Variants in SV2B observed in about 807,000 individuals in gnomAD.
SV2B encodes solute carrier family 22 member B2.
A neutral mutation model predicts 73.9 loss-of-function variants in SV2B; 41 were observed. That is an observed-to-expected ratio of 0.56 (90% CI 0.43 to 0.72). The LOEUF (loss-of-function observed/expected upper bound fraction) is 0.72. SV2B is among the 30% of genes least tolerant of loss of function. The probability of loss-of-function intolerance (pLI) is 0.00; values close to 1 mark genes in which losing one functional copy is unlikely to be tolerated. For synonymous variants in SV2B, 314 were observed against 314.2 expected, an observed-to-expected ratio of 1.00 and a Z score of 0.01; for missense variants, 764 against 857.8, an observed-to-expected ratio of 0.89 and a Z score of 1.37.
At chr15:91,117,704 A>C (rs963772285) in intron 1 of SV2B, among the ~76,000 whole-genome samples, 3 of 152,260 alleles carry the variant, frequency 2.0e-5, no homozygotes, top group African/African-American at 7.2e-5. Flanking sequence ...TGGCCAAGGC[A>C]AATGACATGG....
At chr15:91,208,266 G>T (rs779969623) in intron 1 of SV2B, among the ~76,000 whole-genome samples, 1 of 152,094 alleles carries the variant, frequency 6.6e-6, no homozygotes, top group Non-Finnish European at 1.5e-5. Context: ...AAAAACTGGT[G>T]TGTCTATACC....
intron 1 of SV2B, among the ~76,000 whole-genome samples, chr15:91,218,157 C>A (rs2046097605): frequency 6.6e-6 from 1 of 152,114 alleles, no homozygotes; most frequent in African/African-American, 2.4e-5. Flanking sequence ...TCCAAAAAAA[C>A]AGGAGAACTG....
intron 2 of SV2B, among the ~76,000 whole-genome samples, chr15:91,248,238 G>A (rs2078876): frequency 0.27 from 41,602 of 151,868 alleles, 6,094 homozygotes; most frequent in Non-Finnish European, 0.34. Context: ...GGAGGATGGC[G>A]TGAACCCGGG....
intron 6 of SV2B, among the ~76,000 whole-genome samples, chr15:91,266,042 C>G (rs543023126): frequency 6.6e-6 from 1 of 152,338 alleles, no homozygotes; most frequent in Non-Finnish European, 1.5e-5. Flanking sequence ...ACTCGGGAGG[C>G]TGAGGCAGGA....
rs554862296 is a variant in SV2B, at chr15:91,234,388, G to A, written c.451+7674G>A. ...CATGGAGTTGCAATACCTAAATGCA[G>A]TGGGAATAATTGGATCCCAGGGTGC... On this transcript the variant is annotated intron_variant, in intron 2 of 12. Transcript: ENST00000394232. The surrounding 1 kb of genome is among the most constrained non-coding windows in gnomAD (Gnocchi z 5.6). Among the ~76,000 whole-genome samples, 1 of 152,302 alleles carries A rather than the reference G, an allele frequency of 6.6e-6. No individual in the cohort carries two copies. Among genetic ancestry groups the A allele is most frequent in the Admixed American group, 6.5e-5 (1 of 15,294 alleles).
In SV2B at chr15:91,223,820, G is replaced by A. The variant is rs775595730; in HGVS notation, c.-391-2053G>A. On this transcript the variant is annotated intron_variant, in intron 1 of 12. Coordinates refer to ENST00000394232, the MANE Select transcript of SV2B (RefSeq NM_001323032.3). This position sits in a 1 kb window ranked among gnomAD's most constrained non-coding sequence, Gnocchi z 4.6. ...TAGAGTGCGAATCATTTCTTAGTAA[G>A]TATTTCTTGCTGGCTTCTTTGGCAC... 6.6e-6 allele frequency among the ~76,000 whole-genome samples: 1 copy of A among 152,238 alleles called. No homozygotes were observed. Among genetic ancestry groups the A allele is most frequent in the Non-Finnish European group, 1.5e-5 (1 of 68,044 alleles).
At position 91,292,097 on chromosome 15, in the gene SV2B, G is replaced by GA. The variant is rs60989668; in HGVS notation, c.1869-263dup. ...AAAAATGTTTTAAATAGATATCTTT[G>GA]AAAAAAAAACAAAAAAGAAAAACAC... On this transcript the variant is annotated intron_variant, in intron 12 of 12. Coordinates refer to ENST00000394232, the MANE Select transcript of SV2B (RefSeq NM_001323032.3). 9.7e-3 allele frequency among the ~76,000 whole-genome samples: 1,412 copies of GA among 145,958 alleles called. 23 individuals are homozygous for GA. Among genetic ancestry groups the GA allele is most frequent in the African/African-American group, 0.029 (1,199 of 40,684 alleles).
At chr15:91,205,921 A>G (rs965691196) in intron 1 of SV2B, among the ~76,000 whole-genome samples, 1 of 152,224 alleles carries the variant, frequency 6.6e-6, no homozygotes, top group Non-Finnish European at 1.5e-5. Context: ...TAGGTGAGTC[A>G]GTTTCCAGGG....
chr15:91,198,775 T>C (rs1226158474), intron 1 of SV2B, among the ~76,000 whole-genome samples: 1 of 152,114 alleles, frequency 6.6e-6, no homozygotes, highest in Non-Finnish European at 1.5e-5. Flanking sequence ...TAATGATAAT[T>C]GTTAAAGCTA....
At chr15:91,260,136 G>C (rs1378060419) in intron 5 of SV2B, among the ~76,000 whole-genome samples, 184 bp from the exon 6 acceptor site, 1 of 152,158 alleles carries the variant, frequency 6.6e-6, no homozygotes, top group Non-Finnish European at 1.5e-5. Flanking sequence ...AATGGCTGGG[G>C]ATGGAAGCTT....
intron 1 of SV2B, among the ~76,000 whole-genome samples, chr15:91,215,440 G>A (rs540223347): frequency 1.3e-5 from 2 of 152,134 alleles, no homozygotes; most frequent in South Asian, 2.1e-4. Flanking sequence ...GGTGGTTTAA[G>A]GATCACACTA....
At chr15:91,191,063 CT>C (rs59849012) in intron 1 of SV2B, among the ~76,000 whole-genome samples, 1,688 of 64,206 alleles carry the variant, frequency 0.026, 36 homozygotes, top group African/African-American at 0.076. Context: ...TTTGGTGTTT[CT>C]TTTTTTTTTT....
In SV2B at chr15:91,226,694, G is replaced by C; in HGVS notation, c.431G>C (p.Ser144Thr). 6.2e-7 allele frequency: 1 copy of C among 1,606,384 alleles called. No individual in the cohort carries two copies. The highest frequency in any genetic ancestry group is 1.7e-5 in the Admixed American group (1 of 58,382). ...PSAEKDMCLS[S>T]SKKGMLGMIV... Reference sequence around the variant, plus strand: ...GCAGAGAAGGACATGTGTCTGTCCAGTTCCAAAAAAGGAATGCTAGGTAAG... The same window carrying C: ...GCAGAGAAGGACATGTGTCTGTCCACTTCCAAAAAAGGAATGCTAGGTAAG... The change falls in exon 2 of 13, where the codon AGT (serine) becomes ACT (threonine). Residue 144 changes from serine to threonine, a missense_variant. By Grantham distance (58) the Ser-to-Thr change is moderately conservative (BLOSUM62 1). Coordinates refer to ENST00000394232, the MANE Select transcript of SV2B (RefSeq NM_001323032.3).
chr15:91,214,930 A>C lies in SV2B; in HGVS notation c.-391-10943A>C, dbSNP rs1000737484. 2.0e-5 allele frequency among the ~76,000 whole-genome samples: 3 copies of C among 152,218 alleles called. No individual in the cohort carries two copies. The highest frequency in any genetic ancestry group is 7.2e-5 in the African/African-American group (3 of 41,448). On this transcript the variant is annotated intron_variant, in intron 1 of 12. Transcript: ENST00000394232. This position sits in a 1 kb window ranked among gnomAD's most constrained non-coding sequence, Gnocchi z 4.7. ...GGATAAACTACAAGAGACGCTGCTC[A>C]GTGATTCTTGATTCTGTTTACCAGT...
At chr15:91,109,317 G>A (rs1031519243) in intron 1 of SV2B, among the ~76,000 whole-genome samples, 6 of 152,248 alleles carry the variant, frequency 3.9e-5, no homozygotes, top group Admixed American at 2.6e-4. Flanking sequence ...AATCACAGGT[G>A]TCTGGATTTG....
rs149121945 is a variant in SV2B, at chr15:91,270,076, T to C, written c.1373+1471T>C. Among the ~76,000 whole-genome samples the C allele has an allele frequency of 5.2e-3, 790 of 152,312 alleles. 8 individuals are homozygous for C. The highest frequency in any genetic ancestry group is 0.018 in the African/African-American group (763 of 41,562). ...AGGAAGAAATATCACCCTTGCTTTA[T>C]TAGGATACTTTGGAAATATTGAAAA... is the stretch of plus-strand genomic sequence containing the variant. On this transcript the variant is annotated intron_variant, in intron 9 of 12. Transcript: ENST00000394232.
intron 9 of SV2B, among the ~76,000 whole-genome samples, chr15:91,270,252 A>G (rs1464586165): frequency 6.6e-6 from 1 of 152,232 alleles, no homozygotes; most frequent in Admixed American, 6.5e-5. Context: ...TAGCAGTGAC[A>G]GTGATAATAA....
chr15:91,117,553 C>G (rs1596428781), intron 1 of SV2B, among the ~76,000 whole-genome samples: 1 of 152,242 alleles, frequency 6.6e-6, no homozygotes, highest in East Asian at 1.9e-4. Context: ...TCTCTCATCT[C>G]TCCACCAGAT....
chr15:91,189,633 T>G (rs755401936), intron 1 of SV2B, among the ~76,000 whole-genome samples: 1 of 152,214 alleles, frequency 6.6e-6, no homozygotes, highest in Non-Finnish European at 1.5e-5. Context: ...TGTTCAAGCC[T>G]TTTAAAAGCA....
Sources: gnomAD v4.1 joint callset for allele counts (sites outside exome capture counted in the v4.1 genomes callset) on GRCh38, gnomAD v4.1.1 for gene constraint, Gnocchi (gnomAD v3.1) non-coding constraint, MANE v1.5 for transcripts, NCBI Gene and HGNC (gene_info 2026-07-23, HGNC 2026-07-21) for gene names.